The following SYNE1 variants were observed in gnomAD, a reference collection of about 807,000 sequenced individuals.
SYNE1 encodes the protein spectrin repeat containing nuclear envelope protein 1.
Under a neutral mutation model 1,111.0 loss-of-function variants are expected in SYNE1, and 616 were observed. The ratio of observed to expected loss-of-function variants is 0.55; its 90% CI spans 0.52 to 0.59. SYNE1 has a LOEUF of 0.59. Among genes scored for constraint, SYNE1 ranks in the 20% least tolerant of loss-of-function variants. The pLI is 0.00. For missense variants in SYNE1, 10,006 were observed against 10,417.0 expected (o/e 0.96, Z 1.72); for synonymous variants, 3,855 against 3,825.8 (o/e 1.01, Z -0.28).
rs943660105 is a variant in SYNE1, at chr6:152,379,761, A to C, written c.9009+1245T>G. 2.6e-5 allele frequency among the ~76,000 whole-genome samples: 4 copies of C among 152,218 alleles called. No individual in the cohort carries two copies. The South Asian group carries it at 8.3e-4, about 31-fold the overall frequency. On this transcript the variant is annotated intron_variant, in intron 56 of 145. Transcript: ENST00000367255. ...TTAACACAACTGAAAACCCATATTTACTACTGCATTCTCATGTATATTTTT... is the reference window on the plus strand; with the variant it reads ...TTAACACAACTGAAAACCCATATTTCCTACTGCATTCTCATGTATATTTTT...
chr6:152,550,393 T>C (rs1488771199), intron 3 of SYNE1, among the ~76,000 whole-genome samples: 1 of 152,092 alleles, frequency 6.6e-6, no homozygotes, highest in Non-Finnish European at 1.5e-5. Context: ...AAAACAAATA[T>C]TTTAAAAATA....
At chr6:152,318,002 A>G (rs2095777179) in intron 86 of SYNE1, 79 bp downstream of exon 86, 4 of 1,553,636 alleles carry the variant, frequency 2.6e-6, no homozygotes, top group Non-Finnish European at 3.5e-6. Flanking sequence ...TATTTATGTT[A>G]ATTTATTTTC....
intron 98 of SYNE1, among the ~76,000 whole-genome samples, chr6:152,270,907 T>C (rs1024667449): frequency 6.6e-6 from 1 of 152,162 alleles, no homozygotes; most frequent in Non-Finnish European, 1.5e-5. Context: ...CAGGGAACAG[T>C]TGGCACAAAG....
chr6:152,437,729 C>G (rs912829869), intron 32 of SYNE1, among the ~76,000 whole-genome samples: 1 of 152,100 alleles, frequency 6.6e-6, no homozygotes, highest in Non-Finnish European at 1.5e-5. Flanking sequence ...CACTTCTTCT[C>G]ATGTAAGAGA....
At chr6:152,564,343 G>GTC (rs1427635247) in intron 3 of SYNE1, among the ~76,000 whole-genome samples, 1 of 152,102 alleles carries the variant, frequency 6.6e-6, no homozygotes, top group African/African-American at 2.4e-5. Flanking sequence ...TTGAGACAGG[G>GTC]TCTCACTCTG....
intron 6 of SYNE1, among the ~76,000 whole-genome samples, chr6:152,516,109 T>C (rs537676599): frequency 6.6e-6 from 1 of 152,202 alleles, no homozygotes; most frequent in South Asian, 2.1e-4. Context: ...GCTAAGATAA[T>C]AAGTGGGAGG....
intron 128 of SYNE1, 35 bp from the exon 129 acceptor site, chr6:152,180,329 A>AT: frequency 1.2e-6 from 2 of 1,608,474 alleles, no homozygotes; most frequent in South Asian, 2.2e-5. Context: ...AGGCAAAATG[A>AT]TTATCAGAGA....
At chr6:152,373,460 T>C (rs2097222625) in intron 58 of SYNE1, among the ~76,000 whole-genome samples, 1 of 152,134 alleles carries the variant, frequency 6.6e-6, no homozygotes, top group South Asian at 2.1e-4. Flanking sequence ...TTTTGTATTT[T>C]TAGTAAAGAC....
Position 152,352,113 on chromosome 6 carries a change from T to A in SYNE1, c.11494A>T (p.Ile3832Leu), listed in dbSNP as rs371641639. 3 of 1,614,138 alleles carry A rather than the reference T, an allele frequency of 1.9e-6. No individual in the cohort carries two copies. The highest frequency in any genetic ancestry group is 3.3e-5 in the Admixed American group (2 of 60,012). Residue 3832 changes from isoleucine to leucine, a missense_variant, in exon 70 of 146, where the codon ATA (isoleucine) becomes TTA (leucine). Transcript: ENST00000367255. ...SDKCKALTQW[I>L]AEYQEILHVP... ...TGTAGAATTTCCTGGTATTCTGCTA[T>A]CCACTGTGTCAGTGCTTTGCATTTA...
chr6:152,279,893 T>C (rs2093925036), intron 97 of SYNE1, among the ~76,000 whole-genome samples: 1 of 152,148 alleles, frequency 6.6e-6, no homozygotes. Context: ...AGTACAGTGC[T>C]GAGGGTCTGT....
In SYNE1 at chr6:152,159,038, G is replaced by A. The variant is rs190699338; in HGVS notation, c.23791-2941C>T. ...ACAATCTCGGCTCACTGCAACCTCC[G>A]CCTCCCAGGTTCAAGCGATTCTCCT... On this transcript the variant is annotated intron_variant, in intron 131 of 145. Coordinates refer to ENST00000367255, the MANE Select transcript of SYNE1 (RefSeq NM_182961.4). Among the ~76,000 whole-genome samples, 44 of 152,148 alleles carry A rather than the reference G, an allele frequency of 2.9e-4. No homozygotes were observed. The East Asian group carries it at 8.3e-3, about 29-fold the overall frequency.
chr6:152,177,725 A>C (rs1343038994), intron 129 of SYNE1, among the ~76,000 whole-genome samples: 3 of 152,220 alleles, frequency 2.0e-5, no homozygotes, highest in Admixed American at 6.5e-5. Context: ...ACATTATAAT[A>C]TTTCAGCAAA....
intron 47 of SYNE1, among the ~76,000 whole-genome samples, chr6:152,400,245 C>T (rs2097792299): frequency 6.6e-6 from 1 of 151,824 alleles, no homozygotes; most frequent in African/African-American, 2.4e-5. Flanking sequence ...GAAAAAAGAC[C>T]TCAGTTTCTA....
At chr6:152,186,576 AAAAAAAAAAAAAAAAAAAAAG>A (rs2070093817) in intron 128 of SYNE1, among the ~76,000 whole-genome samples, 2 of 144,628 alleles carry the variant, frequency 1.4e-5, no homozygotes, top group African/African-American at 5.1e-5. Context: ...AAAAAAAAAA[AAAAAAAAAAAAAAAAAAAAAG>A]AAGAAGAAGA....
intron 90 of SYNE1, 42 bp from the exon 91 acceptor site, chr6:152,308,674 T>C (rs1325088167): frequency 2.5e-6 from 4 of 1,585,174 alleles, no homozygotes; most frequent in Admixed American, 1.8e-5. Flanking sequence ...CAGTTTTTTT[T>C]CTCTACCAAT....
chr6:152,373,911 G>C (rs552278138), intron 58 of SYNE1, among the ~76,000 whole-genome samples: 1 of 152,172 alleles, frequency 6.6e-6, no homozygotes. Context: ...CCTAGCTGCC[G>C]AAGTGAAAGA....
intron 5 of SYNE1, among the ~76,000 whole-genome samples, chr6:152,525,536 T>TA (rs1475951732): frequency 1.3e-5 from 2 of 152,218 alleles, no homozygotes; most frequent in Non-Finnish European, 2.9e-5. Flanking sequence ...AGCTCACTGT[T>TA]AATGTTGTTT....
At chr6:152,160,895 C>G (rs1377397642) in intron 131 of SYNE1, among the ~76,000 whole-genome samples, 2 of 151,998 alleles carry the variant, frequency 1.3e-5, no homozygotes, top group Admixed American at 6.6e-5. Flanking sequence ...GGCACTCATA[C>G]AGCCCTTATC....
At chr6:152,472,436 A>G in intron 14 of SYNE1, 23 bp from the exon 15 acceptor site, 4 of 1,459,506 alleles carry the variant, frequency 2.7e-6, no homozygotes, top group Non-Finnish European at 2.8e-6. Context: ...TTAAAAAAAA[A>G]TAAAAAATGA....
Sources: gnomAD v4.1 joint callset for allele counts (sites outside exome capture counted in the v4.1 genomes callset) on GRCh38, gnomAD v4.1.1 for gene constraint, MANE v1.5 for transcripts, NCBI Gene and HGNC (gene_info 2026-07-23, HGNC 2026-07-21) for gene names.